LRP2: variants seen among roughly 807,000 people sequenced by gnomAD.
LRP2 encodes low-density lipoprotein receptor-related protein 2.
Under a neutral mutation model 531.0 loss-of-function variants are expected in LRP2, and 172 were observed. That is an observed-to-expected ratio of 0.32 (90% CI 0.29 to 0.37). The LOEUF is 0.37. LRP2 is among the 10% of genes least tolerant of loss of function. The pLI, the probability that LRP2 is intolerant of heterozygous loss-of-function variation, is 1.00. For synonymous variants in LRP2, 1,992 were observed against 2,027.6 expected (o/e 0.98, Z 0.47); for missense variants, 5,167 against 5,868.3 (o/e 0.88, Z 3.90).
chr2:169,275,462 C>A, intron 13 of LRP2: 1 of 529,136 alleles, frequency 1.9e-6, no homozygotes, highest in South Asian at 2.1e-5. Flanking sequence ...ACTTACATTC[C>A]AGTCCCAGTC....
chr2:169,182,402 T>A, intron 50 of LRP2, 83 bp from the exon 51 acceptor site: 2 of 1,597,838 alleles, frequency 1.3e-6, no homozygotes, highest in Non-Finnish European at 1.7e-6. Context: ...CTACCCAAGC[T>A]ACCTGAGAAT....
chr2:169,249,859 C>T (rs1203857869), intron 19 of LRP2, among the ~76,000 whole-genome samples: 1 of 55,636 alleles, frequency 1.8e-5, no homozygotes, highest in African/African-American at 1.0e-4. Context: ...CCTCAGGAGC[C>T]GATGTGATCA....
Position 169,190,600 on chromosome 2 carries a change from A to G in LRP2, c.9032+1232T>C, listed in dbSNP as rs189238235. 2.0e-5 allele frequency among the ~76,000 whole-genome samples: 3 copies of G among 152,250 alleles called. No homozygotes were observed. In the East Asian group the frequency reaches 5.8e-4, roughly 29 times the overall value. On this transcript the variant is annotated intron_variant, in intron 48 of 78. Coordinates refer to ENST00000649046, the MANE Select transcript of LRP2 (RefSeq NM_004525.3). ...TTCTCTGATCTTGTGCCTACTTAGTATATCTTTCCCACTGTCTTCCTTCGC... is the reference window on the plus strand; with the variant it reads ...TTCTCTGATCTTGTGCCTACTTAGTGTATCTTTCCCACTGTCTTCCTTCGC...
chr2:169,290,470 AT>A (rs1372043243), intron 8 of LRP2, among the ~76,000 whole-genome samples: 1 of 151,990 alleles, frequency 6.6e-6, no homozygotes, highest in African/African-American at 2.4e-5. Flanking sequence ...GATGGAGTCT[AT>A]TTCTTCCATC....
chr2:169,204,358 T>C (rs964255996), intron 41 of LRP2, 87 bp from the exon 42 acceptor site: 2 of 1,242,546 alleles, frequency 1.6e-6, no homozygotes, highest in Non-Finnish European at 2.3e-6. Context: ...CGCCTCATCA[T>C]TGTTTACACA....
intron 70 of LRP2, among the ~76,000 whole-genome samples, chr2:169,144,846 G>C (rs1685851169): frequency 6.6e-6 from 1 of 152,150 alleles, no homozygotes; most frequent in Non-Finnish European, 1.5e-5. Flanking sequence ...GGAGTAACTT[G>C]TCAAAGGCCA....
rs746095041 is a variant in LRP2, at chr2:169,216,382, C to A, written c.5697G>T (p.Lys1899Asn). The A allele has an allele frequency of 1.2e-6, 2 of 1,613,550 alleles. No homozygotes were observed. The highest frequency in any genetic ancestry group is 8.5e-7 in the Non-Finnish European group (1 of 1,179,698). Residue 1899 changes from lysine (K) to asparagine (N), a missense_variant, in exon 35 of 79, where the codon AAG becomes AAT. Around this residue, in one of 6 missense-constraint regions of LRP2, gnomAD observed 2,811 missense variants for 3,058.0 expected, o/e 0.92. Coordinates refer to ENST00000649046, the MANE Select transcript of LRP2 (RefSeq NM_004525.3). ...DQGTDSGVPA[K>N]IASANMDGTS... ...TGCCATCCATGTTAGCACTGGCGAT[C>A]TTGGCAGGAACCCCACTGTCAGTTC...
chr2:169,286,248 C>T (rs1683854552), intron 9 of LRP2, among the ~76,000 whole-genome samples: 1 of 152,228 alleles, frequency 6.6e-6, no homozygotes, highest in Non-Finnish European at 1.5e-5. Flanking sequence ...CAGGAGGCCT[C>T]ATATTCACAA....
At chr2:169,278,549 T>C (rs879315609) in intron 12 of LRP2, among the ~76,000 whole-genome samples, 17 of 152,174 alleles carry the variant, frequency 1.1e-4, no homozygotes, top group Non-Finnish European at 2.5e-4. Flanking sequence ...GTCCTTTGCT[T>C]CTCTTTTTTA....
chr2:169,276,717 G>A (rs1212966302), intron 13 of LRP2, among the ~76,000 whole-genome samples: 1 of 152,074 alleles, frequency 6.6e-6, no homozygotes, highest in Non-Finnish European at 1.5e-5. Context: ...ATAAAATCAA[G>A]TCATTGGGAA....
intron 34 of LRP2, among the ~76,000 whole-genome samples, chr2:169,219,634 A>T (rs1376731312): frequency 6.6e-6 from 1 of 152,250 alleles, no homozygotes; most frequent in East Asian, 1.9e-4. Flanking sequence ...GGAGCTAAAC[A>T]TTGAGCACAC....
chr2:169,206,186 T>C lies in LRP2; in HGVS notation c.7393A>G (p.Ile2465Val). 1 of 1,614,194 alleles carries C rather than the reference T, an allele frequency of 6.2e-7. No individual in the cohort carries two copies. The highest frequency in any genetic ancestry group is 1.1e-5 in the South Asian group (1 of 91,080). The change falls in exon 40 of 79, where the codon ATA becomes GTA. Residue 2465 changes from isoleucine (I) to valine (V), a missense_variant and splice_region_variant. Transcript: ENST00000649046. The stretch of plus-strand genomic sequence containing the variant: ...AAGGCAATGCCATCAGCAGTCCCTA[T>C]ACCTGGACACATACAGGCAGACACA... Reference protein sequence around the residue: ...IHTPTVIASGIGTADGIAFDW... With the variant: ...IHTPTVIASGVGTADGIAFDW...
intron 1 of LRP2, among the ~76,000 whole-genome samples, chr2:169,356,082 G>C (rs565446570): frequency 6.6e-6 from 1 of 152,192 alleles, no homozygotes; most frequent in South Asian, 2.1e-4. Flanking sequence ...TGTAGAGATG[G>C]AGTCTCACTA....
intron 25 of LRP2, among the ~76,000 whole-genome samples, chr2:169,240,432 A>G (rs962689688): frequency 3.3e-5 from 5 of 152,250 alleles, no homozygotes; most frequent in African/African-American, 7.2e-5. Flanking sequence ...GTAAGTTAAT[A>G]TAATCAGGAC....
At chr2:169,171,969 C>T (rs747270320) in intron 58 of LRP2, 46 bp downstream of exon 58, 3 of 1,612,644 alleles carry the variant, frequency 1.9e-6, no homozygotes, top group Admixed American at 3.3e-5. Flanking sequence ...AAGCAAACAT[C>T]ACAGCTCTGG....
intron 1 of LRP2, among the ~76,000 whole-genome samples, chr2:169,361,918 T>G (rs897195255): frequency 5.0e-4 from 76 of 152,282 alleles, no homozygotes; most frequent in African/African-American, 1.7e-3. Flanking sequence ...GGTGGAAAGC[T>G]GCGCTCTGAG....
intron 15 of LRP2, chr2:169,271,652 C>G (rs1020764920): frequency 2.2e-5 from 12 of 551,310 alleles, no homozygotes; most frequent in Non-Finnish European, 2.4e-5. Flanking sequence ...CACACACACA[C>G]ACAGAAACCT....
chr2:169,150,865 A>T (rs377085826), intron 68 of LRP2, 33 bp downstream of exon 68: 19 of 1,612,774 alleles, frequency 1.2e-5, no homozygotes, highest in Non-Finnish European at 1.5e-5. Context: ...AGGGAGAAAT[A>T]TCTAGATGTT....
At chr2:169,185,441 T>C (rs1687599995) in intron 50 of LRP2, 62 bp downstream of exon 50, 3 of 1,543,414 alleles carry the variant, frequency 1.9e-6, no homozygotes, top group Non-Finnish European at 2.7e-6. Context: ...CCTATCAAGA[T>C]GAAAACATGG....
Sources: gnomAD v4.1 joint callset for allele counts (sites outside exome capture counted in the v4.1 genomes callset) on GRCh38, gnomAD v4.1.1 for gene constraint, gnomAD v4.1.1 regional missense constraint, MANE v1.5 for transcripts, NCBI Gene and HGNC (gene_info 2026-07-23, HGNC 2026-07-21) for gene names.